ZDHHC15: variants seen among roughly 807,000 people sequenced by gnomAD.
ZDHHC15 encodes the protein zDHHC palmitoyltransferase 15.
A neutral mutation model predicts 31.7 loss-of-function variants in ZDHHC15; 19 were observed. The observed-to-expected ratio is 0.60, with a 90% CI of 0.42 to 0.88. The LOEUF is 0.88. Ranked by LOEUF, ZDHHC15 falls within the 40% of genes least tolerant of loss-of-function variation. The pLI is 0.00. For missense variants in ZDHHC15, 209 were observed against 251.2 expected (o/e 0.83, Z 1.14); for synonymous variants, 103 against 90.0 (o/e 1.14, Z -0.82).
intron 3 of ZDHHC15, among the ~76,000 whole-genome samples, chrX:75,473,822 ATTTCCTT>A (rs1410679377): frequency 9.0e-6 from 1 of 111,570 alleles, no homozygotes; most frequent in Non-Finnish European, 1.9e-5. Flanking sequence ...AATATCTTCC[ATTTCCTT>A]TTTCCTTTAT....
At chrX:75,421,434 A>ATATATAT (rs2083637566) in intron 9 of ZDHHC15, among the ~76,000 whole-genome samples, 1 of 60,119 alleles carries the variant, frequency 1.7e-5, no homozygotes, top group Non-Finnish European at 2.7e-5. Context: ...TATATATATA[A>ATATATAT]TATATATTAT....
chrX:75,379,287 A>G (rs2083090853), intron 10 of ZDHHC15, 89 bp from the exon 11 acceptor site: 1 of 983,058 alleles, frequency 1.0e-6, no homozygotes, highest in Non-Finnish European at 1.4e-6. Context: ...TTCTTGTTCA[A>G]TCTCTGCAGG....
At chrX:75,504,867 C>T (rs1475813310) in intron 2 of ZDHHC15, among the ~76,000 whole-genome samples, 1 of 111,846 alleles carries the variant, frequency 8.9e-6, no homozygotes, top group East Asian at 2.8e-4. Context: ...TTCACCAGTA[C>T]CTTCTGTTTA....
At chrX:75,521,138 G>C (rs759704323) in intron 1 of ZDHHC15, among the ~76,000 whole-genome samples, 1 of 110,666 alleles carries the variant, frequency 9.0e-6, no homozygotes, top group Non-Finnish European at 1.9e-5. Context: ...TGGGAGTGAG[G>C]GGATGTCCAA....
chrX:75,409,560 G>C (rs2083460697), intron 10 of ZDHHC15, among the ~76,000 whole-genome samples: 1 of 105,306 alleles, frequency 9.5e-6, no homozygotes, highest in South Asian at 4.3e-4. Flanking sequence ...ACTTTGGGAG[G>C]CTGAGGCGGG....
intron 4 of ZDHHC15, among the ~76,000 whole-genome samples, chrX:75,446,067 C>T (rs2084029878): frequency 8.9e-6 from 1 of 111,758 alleles, no homozygotes; most frequent in South Asian, 3.7e-4. Flanking sequence ...AAGACACGTA[C>T]TACACTCCAA....
chrX:75,491,256 G>A (rs1322326337), intron 2 of ZDHHC15, among the ~76,000 whole-genome samples: 2 of 110,459 alleles, frequency 1.8e-5, no homozygotes, highest in Non-Finnish European at 3.8e-5. Flanking sequence ...ACTGGATTAA[G>A]AAAATGTGGC....
intron 9 of ZDHHC15, among the ~76,000 whole-genome samples, chrX:75,417,923 T>C (rs1030835092): frequency 5.3e-5 from 6 of 112,296 alleles, no homozygotes; most frequent in Non-Finnish European, 9.4e-5. Context: ...TGATGTTACC[T>C]ATGCCTTTTC....
At chrX:75,469,925 G>T (rs1383002147) in intron 3 of ZDHHC15, among the ~76,000 whole-genome samples, 1 of 111,702 alleles carries the variant, frequency 9.0e-6, no homozygotes. Context: ...TTTTAAAAAA[G>T]ATTTTAATAA....
intron 2 of ZDHHC15, among the ~76,000 whole-genome samples, chrX:75,495,540 A>C (rs1291684458): frequency 9.0e-6 from 1 of 111,047 alleles, no homozygotes; most frequent in East Asian, 2.8e-4. Context: ...CCAAATATCC[A>C]ACAATGATAG....
intron 4 of ZDHHC15, among the ~76,000 whole-genome samples, chrX:75,444,644 A>G (rs1329323206): frequency 0.023 from 36 of 1,574 alleles, no homozygotes; most frequent in African/African-American, 0.03. Context: ...AACACTGTAT[A>G]TATATATATA....
At chrX:75,383,862 C>T (rs2083149217) in intron 10 of ZDHHC15, among the ~76,000 whole-genome samples, 1 of 106,033 alleles carries the variant, frequency 9.4e-6, no homozygotes. Flanking sequence ...CCTCACCCTC[C>T]CGAGTAGCTG....
At chrX:75,484,110 G>A (rs897260511) in intron 2 of ZDHHC15, among the ~76,000 whole-genome samples, 1 of 112,094 alleles carries the variant, frequency 8.9e-6, no homozygotes, top group Non-Finnish European at 1.9e-5. Context: ...TCAATCTGCT[G>A]TACATTATCC....
At chrX:75,384,212 A>T in intron 10 of ZDHHC15, 1 of 445,624 alleles carries the variant, frequency 2.2e-6, no homozygotes, top group African/African-American at 2.4e-5. Context: ...CAAATATGTA[A>T]TCAAAAGTAT....
At chrX:75,374,658 AGTGTGTGTGTGT>A (rs760934695) in intron 11 of ZDHHC15, among the ~76,000 whole-genome samples, 1 of 100,024 alleles carries the variant, frequency 1.0e-5, no homozygotes, top group Non-Finnish European at 2.0e-5. Flanking sequence ...AGTAAATTTT[AGTGTGTGTGTGT>A]GTGTGTGTGT....
intron 11 of ZDHHC15, 137 bp downstream of exon 11, chrX:75,378,983 A>G (rs184210959): frequency 7.8e-5 from 35 of 446,273 alleles, no homozygotes; most frequent in African/African-American, 7.2e-4. Flanking sequence ...ACTTCTGCTT[A>G]TGCATGCATT....
intron 2 of ZDHHC15, among the ~76,000 whole-genome samples, chrX:75,505,494 G>A (rs2085144641): frequency 9.1e-6 from 1 of 110,439 alleles, no homozygotes; most frequent in African/African-American, 3.3e-5. Flanking sequence ...AAGAGGAGAT[G>A]GACTGGGCAG....
chrX:75,478,043 T>C (rs2084633766), intron 3 of ZDHHC15, among the ~76,000 whole-genome samples: 1 of 111,610 alleles, frequency 9.0e-6, no homozygotes, highest in African/African-American at 3.3e-5. Flanking sequence ...CTGGAAAGTT[T>C]CCCTATTGTT....
chrX:75,406,620 A>G (rs2147807089), intron 10 of ZDHHC15, among the ~76,000 whole-genome samples: 1 of 109,748 alleles, frequency 9.1e-6, no homozygotes, highest in African/African-American at 3.3e-5. Context: ...CTTGACACAT[A>G]CAACCTACCA....
Sources: allele counts gnomAD v4.1 joint callset (sites outside exome capture counted in the v4.1 genomes callset), GRCh38; gene constraint gnomAD v4.1.1; transcripts MANE v1.5; gene names NCBI Gene and HGNC (gene_info 2026-07-23, HGNC 2026-07-21).